The following PSD3 variants were observed in gnomAD, a reference collection of about 807,000 sequenced individuals.
PSD3 encodes PH and SEC7 domain-containing protein 3.
In PSD3, 49 loss-of-function variants were observed where a neutral mutation model predicts 105.5. The ratio of observed to expected loss-of-function variants is 0.46; its 90% CI spans 0.37 to 0.59. PSD3 has a LOEUF of 0.59. PSD3 is among the 20% of genes least tolerant of loss of function. The pLI is 0.00. For missense variants in PSD3, 1,561 were observed against 1,263.8 expected (o/e 1.24, Z -3.57); for synonymous variants, 557 against 457.8 (o/e 1.22, Z -2.77).
upstream of PSD3, chr8:19,014,609 A>T (rs1383855529): frequency 6.6e-6 from 1 of 152,274 alleles, no homozygotes; most frequent in Non-Finnish European, 1.5e-5. The surrounding 1 kb of genome is among the most constrained non-coding windows in gnomAD (Gnocchi z 4.9). Context: ...GGCCGGCTAC[A>T]GGGTGGTCCT....
intron 1 of PSD3, among the ~76,000 whole-genome samples, chr8:19,079,104 C>T (rs573502185): frequency 6.6e-6 from 1 of 152,142 alleles, no homozygotes; most frequent in Admixed American, 6.5e-5. Flanking sequence ...ATCCACAGGA[C>T]TCCTGTGTGT....
chr8:18,893,365 C>A (rs1818934347), intron 2 of PSD3, among the ~76,000 whole-genome samples: 2 of 152,276 alleles, frequency 1.3e-5, no homozygotes, highest in South Asian at 4.1e-4. Flanking sequence ...AGTCACTAAG[C>A]ATCCAAATGG....
intron 1 of PSD3, among the ~76,000 whole-genome samples, chr8:18,998,490 A>G (rs1826200744): frequency 1.3e-5 from 2 of 151,906 alleles, no homozygotes; most frequent in South Asian, 4.2e-4. Flanking sequence ...GATTGAGACC[A>G]TCCTGGCTAA....
chr8:19,060,332 A>G (rs1049073888), intron 1 of PSD3, among the ~76,000 whole-genome samples: 4 of 152,240 alleles, frequency 2.6e-5, no homozygotes, highest in African/African-American at 9.6e-5. Flanking sequence ...ATTTACCAAT[A>G]TATAGGTATC....
intron 8 of PSD3, 176 bp downstream of exon 8, chr8:18,799,119 G>A (rs1810455623): frequency 6.7e-6 from 4 of 592,844 alleles, no homozygotes; most frequent in Non-Finnish European, 9.0e-6. Flanking sequence ...CATACTCTGT[G>A]CTAGCATGTG....
intron 1 of PSD3, among the ~76,000 whole-genome samples, chr8:18,956,933 T>G (rs1823606034): frequency 6.6e-6 from 1 of 152,152 alleles, no homozygotes; most frequent in Non-Finnish European, 1.5e-5. Context: ...TTGGGGATCC[T>G]GTTTATAAAA....
intron 14 of PSD3, among the ~76,000 whole-genome samples, chr8:18,559,323 A>T (rs1464337916): frequency 2.0e-5 from 3 of 152,222 alleles, no homozygotes; most frequent in Non-Finnish European, 4.4e-5. Context: ...TAGGTAAGAA[A>T]TGATAAGCCA....
At chr8:18,806,651 T>TTTGTTG (rs200422197) in intron 4 of PSD3, among the ~76,000 whole-genome samples, 6 of 152,206 alleles carry the variant, frequency 3.9e-5, no homozygotes, top group Non-Finnish European at 8.8e-5. Flanking sequence ...CACATGCTGC[T>TTTGTTG]TTGTTGTTGT....
chr8:18,993,977 CAT>C (rs1253945129), intron 1 of PSD3, among the ~76,000 whole-genome samples: 5 of 151,970 alleles, frequency 3.3e-5, no homozygotes, highest in African/African-American at 1.2e-4. Flanking sequence ...GTATCACTGA[CAT>C]GTGCTGAGAA....
chr8:18,700,203 A>G (rs980992891), intron 9 of PSD3, among the ~76,000 whole-genome samples: 2 of 152,234 alleles, frequency 1.3e-5, no homozygotes, highest in African/African-American at 2.4e-5. Context: ...CCAAACCCAG[A>G]CAATAATGCA....
chr8:18,536,026 G>C (rs1799826569), intron 15 of PSD3, 68 bp from the exon 16 acceptor site: 1 of 1,431,090 alleles, frequency 7.0e-7, no homozygotes, highest in South Asian at 1.2e-5. Context: ...CAGCACACTT[G>C]TGTATTACCC....
intron 10 of PSD3, among the ~76,000 whole-genome samples, chr8:18,646,756 C>T (rs1808067212): frequency 6.6e-6 from 1 of 152,062 alleles, no homozygotes; most frequent in Non-Finnish European, 1.5e-5. Context: ...ACTGAGATTA[C>T]ATTTTAATTA....
chr8:18,831,490 G>C (rs1813676853), intron 4 of PSD3, among the ~76,000 whole-genome samples: 1 of 152,178 alleles, frequency 6.6e-6, no homozygotes, highest in African/African-American at 2.4e-5. Context: ...GGGAGGCCGA[G>C]GCAGGCAGAT....
At chr8:18,974,527 T>C (rs1824823571) in intron 1 of PSD3, among the ~76,000 whole-genome samples, 1 of 152,192 alleles carries the variant, frequency 6.6e-6, no homozygotes, top group South Asian at 2.1e-4. Context: ...TCCTGTGCCA[T>C]TCGGCAAGAA....
chr8:18,903,681 A>G, intron 2 of PSD3, among the ~76,000 whole-genome samples: 1 of 152,154 alleles, frequency 6.6e-6, no homozygotes, highest in East Asian at 1.9e-4. Flanking sequence ...CCCAGGGACC[A>G]ATGTGCTCCT....
At chr8:19,019,947 G>A (rs1827309605) in intron 1 of PSD3, among the ~76,000 whole-genome samples, 2 of 152,150 alleles carry the variant, frequency 1.3e-5, no homozygotes, top group African/African-American at 4.8e-5. Flanking sequence ...AGAAATGTTA[G>A]ACCAGAGGGT....
intron 14 of PSD3, among the ~76,000 whole-genome samples, chr8:18,565,622 T>C (rs1469454555): frequency 6.6e-6 from 1 of 152,244 alleles, no homozygotes; most frequent in African/African-American, 2.4e-5. Flanking sequence ...TGTTTATCTT[T>C]CTTTATCAAT....
intron 4 of PSD3, among the ~76,000 whole-genome samples, chr8:18,861,964 AGTGCACT>A (rs1356682409): frequency 1.3e-5 from 2 of 152,144 alleles, no homozygotes; most frequent in Non-Finnish European, 2.9e-5. Context: ...CACCTACCAC[AGTGCACT>A]GTGCTTCATA....
At chr8:18,721,346 T>C (rs1253871636) in intron 9 of PSD3, among the ~76,000 whole-genome samples, 4 of 151,822 alleles carry the variant, frequency 2.6e-5, no homozygotes, top group Admixed American at 1.3e-4. Flanking sequence ...TTTTGAGACA[T>C]GCCTACAAAT....
Sources: allele counts gnomAD v4.1 joint callset (sites outside exome capture counted in the v4.1 genomes callset), GRCh38; gene constraint gnomAD v4.1.1; non-coding constraint Gnocchi (gnomAD v3.1); transcripts MANE v1.5; gene names NCBI Gene and HGNC (gene_info 2026-07-23, HGNC 2026-07-21).